The following MAGI2 variants were observed in gnomAD, a reference collection of about 807,000 sequenced individuals.
MAGI2 encodes the protein membrane-associated guanylate kinase, WW and PDZ domain-containing protein 2.
A neutral mutation model predicts 133.3 loss-of-function variants in MAGI2; 35 were observed. The ratio of observed to expected loss-of-function variants is 0.26; its 90% CI spans 0.20 to 0.35. The LOEUF (loss-of-function observed/expected upper bound fraction) is 0.35. MAGI2 is among the 10% of genes least tolerant of loss of function. The pLI is 1.00. For synonymous variants in MAGI2, 729 were observed against 710.6 expected, an observed-to-expected ratio of 1.03 and a Z score of -0.41; for missense variants, 1,636 against 1,863.4, an observed-to-expected ratio of 0.88 and a Z score of 2.25.
At position 78,364,919 on chromosome 7, in the gene MAGI2, C is replaced by T. The variant is rs566393375; in HGVS notation, c.1103+4237G>A. ...CGTAGTGCTAAGTGCTGCACCATCACGGATTTGGTGTCTGTCAGGAAAAAT... is the reference window on the plus strand; with the variant it reads ...CGTAGTGCTAAGTGCTGCACCATCATGGATTTGGTGTCTGTCAGGAAAAAT... On this transcript the variant is annotated intron_variant, in intron 7 of 21. Coordinates refer to ENST00000354212, the MANE Select transcript of MAGI2 (RefSeq NM_012301.4). Among the ~76,000 whole-genome samples, 8 of 152,304 alleles carry T rather than the reference C, an allele frequency of 5.3e-5. No homozygotes were observed. The South Asian group carries it at 8.3e-4, about 16-fold the overall frequency.
intron 16 of MAGI2, among the ~76,000 whole-genome samples, chr7:78,154,765 A>G (rs1156945181): frequency 6.6e-6 from 1 of 152,196 alleles, no homozygotes; most frequent in Non-Finnish European, 1.5e-5. Context: ...CTGGTGGGAA[A>G]GTAGGTTTGT....
intron 1 of MAGI2, among the ~76,000 whole-genome samples, chr7:79,292,770 C>CAGAAAA (rs1836599542): frequency 1.7e-5 from 1 of 57,396 alleles, no homozygotes; most frequent in Non-Finnish European, 3.2e-5. Flanking sequence ...TCAATTTCTG[C>CAGAAAA]AAAAAAAAAA....
intron 1 of MAGI2, among the ~76,000 whole-genome samples, chr7:79,023,171 T>C (rs1809516975): frequency 1.0e-5 from 1 of 98,744 alleles, no homozygotes; most frequent in Non-Finnish European, 2.4e-5. Flanking sequence ...AGGATGCAAG[T>C]TTTGTTCAAT....
intron 4 of MAGI2, among the ~76,000 whole-genome samples, chr7:78,520,199 C>T (rs1423658886): frequency 6.6e-6 from 1 of 152,068 alleles, no homozygotes; most frequent in Admixed American, 6.5e-5. Flanking sequence ...GATGAAAGCA[C>T]CTTAGGTTTT....
chr7:79,173,388 C>T (rs758193584), intron 1 of MAGI2, among the ~76,000 whole-genome samples: 11 of 151,972 alleles, frequency 7.2e-5, no homozygotes, highest in Non-Finnish European at 1.5e-4. Context: ...TGCAATGGCA[C>T]GATCATAACT....
intron 2 of MAGI2, among the ~76,000 whole-genome samples, chr7:78,627,796 C>T (rs1196440134): frequency 6.6e-6 from 1 of 152,174 alleles, no homozygotes; most frequent in Non-Finnish European, 1.5e-5. Flanking sequence ...TTTACTATTA[C>T]TTAAAATTAA....
chr7:78,392,807 C>A (rs959646635), intron 6 of MAGI2, among the ~76,000 whole-genome samples: 1 of 152,094 alleles, frequency 6.6e-6, no homozygotes, highest in Non-Finnish European at 1.5e-5. Context: ...CTGCACCTGG[C>A]TAATTTTGTA....
chr7:79,257,561 A>T (rs962396074), intron 1 of MAGI2, among the ~76,000 whole-genome samples: 7 of 152,170 alleles, frequency 4.6e-5, no homozygotes, highest in Admixed American at 6.5e-5. Context: ...TGCGTTGGAG[A>T]AAATGTGCCA....
chr7:78,143,500 A>G (rs1313586244), intron 16 of MAGI2, among the ~76,000 whole-genome samples: 1 of 152,178 alleles, frequency 6.6e-6, no homozygotes, highest in Non-Finnish European at 1.5e-5. Flanking sequence ...AGATGGTTCT[A>G]TTATGATAAA....
chr7:78,723,762 T>C (rs1820493783), intron 2 of MAGI2, among the ~76,000 whole-genome samples: 1 of 152,082 alleles, frequency 6.6e-6, no homozygotes, highest in Non-Finnish European at 1.5e-5. Flanking sequence ...CTGACTCTAT[T>C]AAATACATGA....
rs140770349 is a variant in MAGI2, at chr7:78,556,370, T to C, written c.539-34725A>G. Among the ~76,000 whole-genome samples the C allele has an allele frequency of 1.6e-3, 251 of 152,324 alleles. 1 individual carries two copies. The highest frequency in any genetic ancestry group is 5.7e-3 in the African/African-American group (236 of 41,578). ...ACCAAACATACTGGTTTGGGAAGTG[T>C]GTGAAGTCTCCTGTTGGCACCAACA... On this transcript the variant is annotated intron_variant, in intron 3 of 21. Coordinates refer to ENST00000354212, the MANE Select transcript of MAGI2 (RefSeq NM_012301.4).
intron 1 of MAGI2, among the ~76,000 whole-genome samples, chr7:79,225,357 T>TA (rs930064696): frequency 2.0e-5 from 3 of 152,214 alleles, no homozygotes; most frequent in African/African-American, 7.2e-5. Context: ...TGCTATCTTC[T>TA]AAAATAGAGG....
intron 1 of MAGI2, among the ~76,000 whole-genome samples, chr7:79,106,580 T>A (rs1251164467): frequency 6.6e-6 from 1 of 152,150 alleles, no homozygotes; most frequent in African/African-American, 2.4e-5. Flanking sequence ...ATGGAAACAA[T>A]TCCTACTAAG....
At chr7:78,077,261 A>G (rs985921937) in intron 21 of MAGI2, among the ~76,000 whole-genome samples, 4 of 152,230 alleles carry the variant, frequency 2.6e-5, no homozygotes, top group African/African-American at 9.6e-5. Flanking sequence ...TAGAAGTGAT[A>G]GAATTTCACA....
Position 78,307,452 on chromosome 7 carries a change from A to G in MAGI2, c.1408+36326T>C, listed in dbSNP as rs1182561637. Among the ~76,000 whole-genome samples, 4 of 152,214 alleles carry G rather than the reference A, an allele frequency of 2.6e-5. No individual in the cohort carries two copies. In the East Asian group the frequency reaches 5.8e-4, roughly 22 times the overall value. ...TAAGGCTTAATTATATAGATTGCCT[A>G]TTGTGAAACTCATATTATATTAGAT... On this transcript the variant is annotated intron_variant, in intron 9 of 21. Coordinates refer to ENST00000354212, the MANE Select transcript of MAGI2 (RefSeq NM_012301.4).
At chr7:78,318,188 C>T (rs1787626566) in intron 9 of MAGI2, among the ~76,000 whole-genome samples, 1 of 152,134 alleles carries the variant, frequency 6.6e-6, no homozygotes, top group Non-Finnish European at 1.5e-5. Flanking sequence ...GCTAAAGGAG[C>T]ATGTTCTAAC....
At chr7:78,973,644 T>C (rs1803978884) in intron 2 of MAGI2, among the ~76,000 whole-genome samples, 1 of 151,820 alleles carries the variant, frequency 6.6e-6, no homozygotes, top group African/African-American at 2.4e-5. Flanking sequence ...CCCTTTCTTT[T>C]CTAGTTGTCT....
chr7:79,198,488 T>C (rs886908224), intron 1 of MAGI2, among the ~76,000 whole-genome samples: 1 of 152,006 alleles, frequency 6.6e-6, no homozygotes, highest in Admixed American at 6.6e-5. Context: ...GGCAATGCAG[T>C]GGCAGGATAC....
At chr7:78,672,923 A>G (rs1022411059) in intron 2 of MAGI2, among the ~76,000 whole-genome samples, 10 of 152,216 alleles carry the variant, frequency 6.6e-5, no homozygotes, top group Non-Finnish European at 1.5e-4. Flanking sequence ...AGGGGGTTGC[A>G]ACAAACTTTC....
Sources: gnomAD v4.1 joint callset for allele counts (sites outside exome capture counted in the v4.1 genomes callset) on GRCh38, gnomAD v4.1.1 for gene constraint, MANE v1.5 for transcripts, NCBI Gene and HGNC (gene_info 2026-07-23, HGNC 2026-07-21) for gene names.